The following C5orf34 variants were observed in gnomAD, a reference collection of about 807,000 sequenced individuals.
C5orf34 encodes the protein chromosome 5 open reading frame 34.
C5orf34 carries 73 observed loss-of-function variants against 78.4 expected under a neutral mutation model. That is an observed-to-expected ratio of 0.93 (90% confidence interval 0.77 to 1.13). The LOEUF (loss-of-function observed/expected upper bound fraction) is 1.13. Ranked by LOEUF, C5orf34 falls within the 50% of genes most tolerant of loss-of-function variation. C5orf34 has a pLI of 0.00. For synonymous variants in C5orf34, 251 were observed against 246.6 expected (o/e 1.02, Z -0.17); for missense variants, 730 against 732.7 (o/e 1.00, Z 0.04).
chr5:43,500,498 C>T (rs746031412), intron 6 of C5orf34, among the ~76,000 whole-genome samples: 5 of 152,098 alleles, frequency 3.3e-5, no homozygotes, highest in African/African-American at 4.8e-5. Flanking sequence ...CAGGTTCAAG[C>T]GATTCTCATG....
At chr5:43,501,682 A>G (rs902915246) in intron 6 of C5orf34, among the ~76,000 whole-genome samples, 4 of 152,178 alleles carry the variant, frequency 2.6e-5, no homozygotes, top group South Asian at 2.1e-4. Context: ...AAAAATCTCA[A>G]TTTTTAACTC....
chr5:43,502,469 AT>A lies in C5orf34; in HGVS notation c.1054del (p.Ile352Ter). On this transcript the variant is annotated frameshift_variant, in exon 6 of 13. Coordinates refer to ENST00000306862, the MANE Select transcript of C5orf34 (RefSeq NM_198566.4). LOFTEE classifies it high-confidence loss of function. ...YRLTHQNMNS[I>X]EIYSGDGSVF... ...AGATCCATCCCCAGAATAAATCTCTATTGAGTTCATATTTTGATGGGTAAGT... is the reference window on the plus strand; with the variant it reads ...AGATCCATCCCCAGAATAAATCTCTATGAGTTCATATTTTGATGGGTAAGT... The A allele has an allele frequency of 6.4e-7, 1 of 1,574,008 alleles. No homozygotes were observed. Among genetic ancestry groups the A allele is most frequent in the Non-Finnish European group, 8.7e-7 (1 of 1,151,246 alleles).
chr5:43,507,622 C>A (rs941106428), intron 3 of C5orf34, among the ~76,000 whole-genome samples: 1 of 152,036 alleles, frequency 6.6e-6, no homozygotes, highest in African/African-American at 2.4e-5. Flanking sequence ...ATTACTCAGC[C>A]GGCAGGCAAG....
At chr5:43,512,198 G>C (rs551437314) in intron 1 of C5orf34, among the ~76,000 whole-genome samples, 1 of 152,316 alleles carries the variant, frequency 6.6e-6, no homozygotes, top group Non-Finnish European at 1.5e-5. Context: ...ATGCTGCCTT[G>C]CAGGCACTCA....
rs1005994831 is a variant in C5orf34, at chr5:43,502,494, G to A, written c.1030C>T (p.Leu344Phe). Reference sequence around the variant, plus strand: ...ATTGAGTTCATATTTTGATGGGTAAGTCTAAGAAATAGAAATAACCATTAA... The same window carrying A: ...ATTGAGTTCATATTTTGATGGGTAAATCTAAGAAATAGAAATAACCATTAA... ...MVWYKGVTYR[L>F]THQNMNSIEI... Residue 344 changes from leucine (L) to phenylalanine (F), a missense_variant and splice_region_variant, in exon 6 of 13, where the codon CTT (leucine) becomes TTT (phenylalanine). Leu to Phe is a conservative substitution (Grantham distance 22). Coordinates refer to ENST00000306862, the MANE Select transcript of C5orf34 (RefSeq NM_198566.4). 2.0e-6 allele frequency: 3 copies of A among 1,533,030 alleles called. No individual in the cohort carries two copies. The highest frequency in any genetic ancestry group is 2.7e-6 in the Non-Finnish European group (3 of 1,127,128). The allele number at this position is 1,533,030 out of a possible 1,614,324, so 95.0% of individuals were successfully genotyped here.
At chr5:43,501,186 C>T (rs1228005746) in intron 6 of C5orf34, among the ~76,000 whole-genome samples, 1 of 152,210 alleles carries the variant, frequency 6.6e-6, no homozygotes. Context: ...TTTGCACACC[C>T]TCTGATATAC....
At chr5:43,491,414 T>TAA (rs1396269454) in intron 10 of C5orf34, among the ~76,000 whole-genome samples, 1 of 152,152 alleles carries the variant, frequency 6.6e-6, no homozygotes, top group African/African-American at 2.4e-5. Context: ...GTGAAATCAC[T>TAA]AAAATGTGAA....
At chr5:43,501,118 G>T (rs754574258) in intron 6 of C5orf34, among the ~76,000 whole-genome samples, 1 of 152,110 alleles carries the variant, frequency 6.6e-6, no homozygotes, top group African/African-American at 2.4e-5. Context: ...ACCCCCTCCC[G>T]CAACAGCTTT....
chr5:43,513,409 T>C lies in C5orf34; in HGVS notation c.-37+1397A>G, dbSNP rs1304950305. Among the ~76,000 whole-genome samples the C allele has an allele frequency of 3.9e-5, 6 of 152,246 alleles. No individual in the cohort carries two copies. In the East Asian group the frequency reaches 1.2e-3, roughly 29 times the overall value. ...TAATACCCCCTAATTGCACTTTCAC[T>C]CTCATCTCTTCCCTCAAATCCAGTC... On this transcript the variant is annotated intron_variant, in intron 1 of 12. Transcript: ENST00000306862.
chr5:43,490,414 C>A (rs1745232159), intron 11 of C5orf34: 1 of 347,730 alleles, frequency 2.9e-6, no homozygotes, highest in Non-Finnish European at 5.2e-6. Context: ...GGTTTTCTTA[C>A]CTTTAGGTAA....
chr5:43,487,804 A>T, intron 12 of C5orf34, 105 bp downstream of exon 12: 2 of 815,714 alleles, frequency 2.5e-6, no homozygotes. Flanking sequence ...AAGGTTAGCA[A>T]TATATTAAGT....
rs1281650551 is a variant in C5orf34, at chr5:43,506,080, G to A, written c.600C>T (p.Cys200=). 1.2e-6 allele frequency: 2 copies of A among 1,613,872 alleles called. No homozygotes were observed. Among genetic ancestry groups the A allele is most frequent in the African/African-American group, 2.7e-5 (2 of 74,888 alleles). The change falls in exon 4 of 13, where the codon TGC becomes TGT. Residue 200 remains cysteine, a synonymous_variant. Transcript: ENST00000306862. ...AAGTTTCTTTGGATTTCATGATCTG[G>A]CAATGAAACTCATTTTCTTTATTCT... is the stretch of plus-strand genomic sequence containing the variant. The part of the protein sequence containing the change: ...RLKNKENEFH[C]QIMKSKETLK...
chr5:43,505,702 T>C (rs370970003), intron 4 of C5orf34, 46 bp downstream of exon 4: 3 of 1,496,998 alleles, frequency 2.0e-6, no homozygotes, highest in Non-Finnish European at 2.7e-6. Context: ...AGGTTAAGAC[T>C]GGTTCTGATA....
At position 43,507,854 on chromosome 5, in the gene C5orf34, G is replaced by A. The variant is rs573315333; in HGVS notation, c.285+723C>T. ...AGCACTTTGGGAGGCTGAGGCGGGCGGATCACGAGGTCAGGAGATCGAGAC... is the reference window on the plus strand; with the variant it reads ...AGCACTTTGGGAGGCTGAGGCGGGCAGATCACGAGGTCAGGAGATCGAGAC... On this transcript the variant is annotated intron_variant, in intron 3 of 12. Transcript: ENST00000306862. 6.3e-4 allele frequency among the ~76,000 whole-genome samples: 96 copies of A among 152,090 alleles called. 1 individual carries two copies. The highest frequency in any genetic ancestry group is 2.2e-3 in the African/African-American group (93 of 41,484).
rs1745854093 is a variant in C5orf34 at position 43,503,589 on chromosome 5, A to G, written c.1028+76T>C. ...TGTCCTCTTCTGAGAGTCTGTCTAT[A>G]AGGCTCGTCCCATCTTCTCTGTGAC... On this transcript the variant is annotated intron_variant, in intron 5 of 12. Transcript: ENST00000306862. The G allele has an allele frequency of 3.1e-6, 3 of 956,408 alleles. No individual in the cohort carries two copies. The South Asian group carries it at 3.9e-5, about 12-fold the overall frequency. The allele number at this position is 956,408 out of a possible 1,614,324, so 59.2% of individuals were successfully genotyped here. A position where few individuals can be genotyped will look rare whatever the true frequency, so the allele number is the denominator to read the frequency against.
At chr5:43,487,765 T>TA in intron 12 of C5orf34, 144 bp downstream of exon 12, 1 of 636,142 alleles carries the variant, frequency 1.6e-6, no homozygotes, top group Non-Finnish European at 2.7e-6. Context: ...CATCTTAAAT[T>TA]ACAATCTTAG....
intron 6 of C5orf34, chr5:43,495,625 G>A: frequency 6.2e-7 from 1 of 1,603,526 alleles, no homozygotes. Context: ...GAGCAAAGGT[G>A]ACCACCACAC....
At chr5:43,490,592 T>TTAA (rs1745241426) in intron 11 of C5orf34, 39 bp downstream of exon 11, 1 of 1,282,648 alleles carries the variant, frequency 7.8e-7, no homozygotes, top group African/African-American at 1.5e-5. Flanking sequence ...TTTAAAGTAT[T>TTAA]AGCTCTTCTA....
chr5:43,504,032 G>A (rs746100211), intron 4 of C5orf34, among the ~76,000 whole-genome samples: 4 of 151,990 alleles, frequency 2.6e-5, no homozygotes, highest in Non-Finnish European at 4.4e-5. Flanking sequence ...GCCTGGATTC[G>A]CTAGGCATGG....
Sources: gnomAD v4.1 joint callset for allele counts (sites outside exome capture counted in the v4.1 genomes callset) on GRCh38, gnomAD v4.1.1 for gene constraint, MANE v1.5 for transcripts, NCBI Gene and HGNC (gene_info 2026-07-23, HGNC 2026-07-21) for gene names.